The following DNASE1 variants were observed in gnomAD, a reference collection of about 807,000 sequenced individuals.
The protein encoded by DNASE1 is deoxyribonuclease 1.
In DNASE1, 40 loss-of-function variants were observed where a neutral mutation model predicts 33.9. That is an observed-to-expected ratio of 1.18 (90% confidence interval 0.92 to 1.54). The LOEUF is 1.54. DNASE1 is among the 40% of genes most tolerant of loss of function. The probability of loss-of-function intolerance (pLI) is 0.00; values close to 1 mark genes in which losing one functional copy is unlikely to be tolerated. For synonymous variants in DNASE1, 216 were observed against 160.0 expected (o/e 1.35, Z -2.64); for missense variants, 518 against 372.6 (o/e 1.39, Z -3.21).
chr16:3,648,980 A>G (rs923124614), intron 1 of DNASE1, among the ~76,000 whole-genome samples: 1 of 152,124 alleles, frequency 6.6e-6, no homozygotes. Context: ...TTTGCCATCT[A>G]CGATTTCCCA....
intron 1 of DNASE1, among the ~76,000 whole-genome samples, chr16:3,629,017 C>A (rs1474872517): frequency 6.7e-6 from 1 of 150,286 alleles, no homozygotes; most frequent in Non-Finnish European, 1.5e-5. Context: ...ACTAAAAATA[C>A]AAACATTTGC....
At chr16:3,627,937 C>CAAA (rs55920324) in intron 1 of DNASE1, among the ~76,000 whole-genome samples, 48 of 80,300 alleles carry the variant, frequency 6.0e-4, no homozygotes, top group African/African-American at 1.7e-3. Context: ...TCTATTTCTG[C>CAAA]AAAAAAAAAA....
intron 1 of DNASE1, among the ~76,000 whole-genome samples, chr16:3,622,636 G>A (rs1286356201): frequency 6.6e-6 from 1 of 151,374 alleles, no homozygotes; most frequent in Admixed American, 6.6e-5. Context: ...TTTCTTTTTT[G>A]AGGTGGAGTC....
intron 1 of DNASE1, among the ~76,000 whole-genome samples, chr16:3,630,005 G>A (rs781680390): frequency 6.6e-6 from 1 of 152,090 alleles, no homozygotes; most frequent in African/African-American, 2.4e-5. Flanking sequence ...TTTTAGTGGA[G>A]ATGAGATTTT....
At chr16:3,659,012 G>T, downstream of DNASE1, 1 of 764,046 alleles carries the variant, frequency 1.3e-6, no homozygotes, top group East Asian at 2.8e-5. Context: ...ATCATTTATA[G>T]ATAATATCAT....
upstream of DNASE1, chr16:3,653,826 A>AACAAAAAAAAAAAAAAAAC (rs1567205837): frequency 1.9e-4 from 27 of 144,908 alleles, no homozygotes; most frequent in African/African-American, 6.3e-4. Context: ...AAAAAAAAAA[A>AACAAAAAAAAAAAAAAAAC]AAAAAAAAAA....
At chr16:3,655,584 G>A (rs1370881431) in intron 2 of DNASE1, 64 bp downstream of exon 2, 1 of 1,608,088 alleles carries the variant, frequency 6.2e-7, no homozygotes, top group Non-Finnish European at 8.5e-7. Context: ...TGGTGGGCAG[G>A]GCCAGCCCTA....
chr16:3,646,867 G>A (rs895510749), intron 1 of DNASE1, among the ~76,000 whole-genome samples: 5 of 152,084 alleles, frequency 3.3e-5, no homozygotes, highest in Non-Finnish European at 7.4e-5. Flanking sequence ...GGGGAGCGGG[G>A]CCTAGGATGA....
chr16:3,654,689 G>A (rs191478517), upstream of DNASE1: 9 of 399,500 alleles, frequency 2.3e-5, no homozygotes, highest in African/African-American at 1.8e-4. Flanking sequence ...TGATTATCAG[G>A]TGCAGTTTTT....
At chr16:3,628,374 C>T (rs2041586765) in intron 1 of DNASE1, among the ~76,000 whole-genome samples, 1 of 151,980 alleles carries the variant, frequency 6.6e-6, no homozygotes, top group East Asian at 1.9e-4. Flanking sequence ...CATATTAAAT[C>T]TGTGAATTAA....
In DNASE1 at chr16:3,634,698, A is replaced by G. The variant is rs2151182610; in HGVS notation, c.-1358-6017A>G. 2.0e-5 allele frequency among the ~76,000 whole-genome samples: 3 copies of G among 151,636 alleles called. 1 individual carries two copies. The South Asian group carries it at 6.3e-4, about 32-fold the overall frequency. On this transcript the variant is annotated intron_variant and NMD_transcript_variant, in intron 1 of 11. Transcript: ENST00000570769. ...ATAATTTTTTTTTTTAATTTCTAGT[A>G]GAGACAGGGTCTCGCTATGTTGCCC...
At chr16:3,657,490 C>T in intron 7 of DNASE1, 149 bp downstream of exon 7, 1 of 1,290,172 alleles carries the variant, frequency 7.8e-7, no homozygotes, top group South Asian at 1.4e-5. Flanking sequence ...ATAACAAGAG[C>T]CACGATTTTT....
At chr16:3,637,892 C>T (rs1036178782) in intron 1 of DNASE1, among the ~76,000 whole-genome samples, 3 of 152,154 alleles carry the variant, frequency 2.0e-5, no homozygotes, top group Admixed American at 6.5e-5. Context: ...TGACATGTCT[C>T]CTGTGTCGGG....
rs1349994643 is a variant in DNASE1 at position 3,656,757 on chromosome 16, G to C, written c.436+4G>C. 2 of 1,600,556 alleles carry C rather than the reference G, an allele frequency of 1.2e-6. No homozygotes were observed. Among genetic ancestry groups the C allele is most frequent in the South Asian group, 2.3e-5 (2 of 88,824 alleles). ...AGGTTCTTCTCCCGGTTCACAGGTG[G>C]GTGCTGCCTGGGCCAGGGTGGGGCT... On this transcript the variant is annotated splice_donor_region_variant and intron_variant, in intron 5 of 8. Transcript: ENST00000246949.
intron 1 of DNASE1, among the ~76,000 whole-genome samples, chr16:3,612,602 G>A (rs1328095763): frequency 7.4e-6 from 1 of 135,254 alleles, no homozygotes; most frequent in Admixed American, 7.4e-5. Context: ...GGGGGGGGGA[G>A]TCTCACTATG....
chr16:3,641,240 G>A (rs1196043598), upstream of DNASE1: 5 of 315,288 alleles, frequency 1.6e-5, no homozygotes, highest in Non-Finnish European at 2.3e-5. Context: ...TTGGCAAGGT[G>A]AGTGGACGCA....
At chr16:3,620,185 G>C (rs2041257085) in intron 1 of DNASE1, among the ~76,000 whole-genome samples, 1 of 151,982 alleles carries the variant, frequency 6.6e-6, no homozygotes, top group Non-Finnish European at 1.5e-5. Context: ...CAAAGCGCTG[G>C]GATTACAGGC....
chr16:3,656,369 C>T (rs1354024057), intron 4 of DNASE1, among the ~76,000 whole-genome samples, 184 bp downstream of exon 4: 1 of 149,982 alleles, frequency 6.7e-6, no homozygotes, highest in Non-Finnish European at 1.5e-5. Context: ...CCTGGCTCCC[C>T]CGCCCTCCTG....
chr16:3,656,965 G>A, intron 5 of DNASE1, 34 bp from the exon 6 acceptor site: 1 of 1,607,748 alleles, frequency 6.2e-7, no homozygotes, highest in Non-Finnish European at 8.5e-7. Flanking sequence ...TGCCCCCAGG[G>A]AGTGTGCCTC....
Sources: allele counts gnomAD v4.1 joint callset (sites outside exome capture counted in the v4.1 genomes callset), GRCh38; gene constraint gnomAD v4.1.1; transcripts MANE v1.5; gene names NCBI Gene and HGNC (gene_info 2026-07-23, HGNC 2026-07-21).